Variants in ADAMTSL1 observed in about 807,000 individuals in gnomAD.
The protein encoded by ADAMTSL1 is ADAMTS like 1.
In ADAMTSL1, 126 loss-of-function variants were observed where a neutral mutation model predicts 201.8. That is an observed-to-expected ratio of 0.62 (90% CI 0.54 to 0.72). ADAMTSL1 has a LOEUF of 0.72. Ranked by LOEUF, ADAMTSL1 falls within the 30% of genes least tolerant of loss-of-function variation. ADAMTSL1 has a pLI of 0.00. For synonymous variants in ADAMTSL1, 1,121 were observed against 903.4 expected, an observed-to-expected ratio of 1.24 and a Z score of -4.32; for missense variants, 2,679 against 2,277.8, an observed-to-expected ratio of 1.18 and a Z score of -3.59.
chr9:18,681,977 C>T lies in ADAMTSL1; in HGVS notation c.1489+18C>T, dbSNP rs760952451. On this transcript the variant is annotated intron_variant, in intron 12 of 28. Transcript: ENST00000380548. ...ACCCAAAGGTAACTTGACAGGTGCT[C>T]TATTACCAGCCTGTTAATTGTTGTG... The T allele has an allele frequency of 2.5e-5, 40 of 1,613,148 alleles. No homozygotes were observed. In the East Asian group the frequency reaches 7.8e-4, roughly 31 times the overall value.
chr9:18,664,615 T>C (rs1385231562), intron 9 of ADAMTSL1, among the ~76,000 whole-genome samples: 2 of 152,028 alleles, frequency 1.3e-5, no homozygotes, highest in East Asian at 3.8e-4. Flanking sequence ...TATTTAAAAG[T>C]AGAGTCCCTT....
intron 2 of ADAMTSL1, among the ~76,000 whole-genome samples, chr9:18,198,893 A>G (rs994352581): frequency 7.0e-6 from 1 of 142,328 alleles, no homozygotes; most frequent in African/African-American, 2.6e-5. Flanking sequence ...GATTAAGAAA[A>G]TGTGGCACAT....
At position 18,681,833 on chromosome 9, in the gene ADAMTSL1, G is replaced by A; in HGVS notation, c.1363G>A (p.Gly455Ser). 6.2e-7 allele frequency: 1 copy of A among 1,613,088 alleles called. No homozygotes were observed. Among genetic ancestry groups the A allele is most frequent in the Admixed American group, 1.7e-5 (1 of 59,970 alleles). The change falls in exon 12 of 29, where the codon GGC becomes AGC. Residue 455 changes from glycine (G) to serine (S), a missense_variant. Coordinates refer to ENST00000380548, the MANE Select transcript of ADAMTSL1 (RefSeq NM_001040272.6). ...WSPCTVTCGQ[G>S]LRYRVVLCID... The stretch of plus-strand genomic sequence containing the variant: ...CCAGTGCACAGTGACATGTGGCCAG[G>A]GCCTCAGATACCGTGTGGTCCTCTG...
chr9:18,751,529 G>A (rs752214336), intron 15 of ADAMTSL1, among the ~76,000 whole-genome samples: 16 of 152,152 alleles, frequency 1.1e-4, no homozygotes, highest in Non-Finnish European at 2.4e-4. Flanking sequence ...ATGTGTTAAG[G>A]TGCCCTCTAT....
chr9:18,330,330 C>G lies in ADAMTSL1; in HGVS notation c.207+166349C>G, dbSNP rs544498794. 3.3e-5 allele frequency among the ~76,000 whole-genome samples: 5 copies of G among 151,444 alleles called. No individual in the cohort carries two copies. The South Asian group carries it at 1.0e-3, about 31-fold the overall frequency. ...GATTATCTTCCTTCTACCCTTTTTC[C>G]TTCTCCCTGATCCTGCCACTCTTGC... On this transcript the variant is annotated intron_variant, in intron 2 of 29. Coordinates refer to the ADAMTSL1 transcript ENST00000680146.
chr9:18,642,192 C>T (rs1030348180), intron 7 of ADAMTSL1, among the ~76,000 whole-genome samples: 1 of 151,858 alleles, frequency 6.6e-6, no homozygotes, highest in Non-Finnish European at 1.5e-5. Flanking sequence ...TATCCAACAG[C>T]TATCTGAAGA....
chr9:18,456,069 C>G (rs985750771), intron 2 of ADAMTSL1, among the ~76,000 whole-genome samples: 2 of 152,140 alleles, frequency 1.3e-5, no homozygotes, highest in African/African-American at 4.8e-5. Context: ...TAAGCCATAC[C>G]TTGGCTATGT....
At chr9:18,739,843 C>T (rs957223395) in intron 15 of ADAMTSL1, among the ~76,000 whole-genome samples, 2 of 152,046 alleles carry the variant, frequency 1.3e-5, no homozygotes, top group Non-Finnish European at 2.9e-5. Context: ...GTGTATGTAT[C>T]ACGCATATGC....
intron 22 of ADAMTSL1, among the ~76,000 whole-genome samples, chr9:18,828,374 A>G (rs1824730889): frequency 6.6e-6 from 1 of 151,962 alleles, no homozygotes; most frequent in African/African-American, 2.4e-5. Flanking sequence ...TTTTGCTCTT[A>G]GTAAATAAGC....
At position 18,504,944 on chromosome 9, in the gene ADAMTSL1, G is replaced by A; in HGVS notation, c.179G>A (p.Cys60Tyr). 2 of 1,608,706 alleles carry A rather than the reference G, an allele frequency of 1.2e-6. No homozygotes were observed. Among genetic ancestry groups the A allele is most frequent in the Non-Finnish European group, 1.7e-6 (2 of 1,179,040 alleles). The change falls in exon 2 of 29, where the codon TGC (cysteine) becomes TAC (tyrosine). Residue 60 changes from cysteine (C) to tyrosine (Y), a missense_variant. Coordinates refer to ENST00000380548, the MANE Select transcript of ADAMTSL1 (RefSeq NM_001040272.6). ...GGGASYSLRR[C>Y]LSSKSCEGRN... ...GGGGCCTCCTACTCTCTGAGGCGCT[G>A]CCTGAGCAGCAAGTAAGTCCTGCAC...
At chr9:18,755,245 A>G (rs1819686553) in intron 16 of ADAMTSL1, among the ~76,000 whole-genome samples, 1 of 152,218 alleles carries the variant, frequency 6.6e-6, no homozygotes, top group African/African-American at 2.4e-5. Flanking sequence ...ATTGGAGTGA[A>G]TCTATGACCT....
intron 2 of ADAMTSL1, among the ~76,000 whole-genome samples, chr9:18,323,088 A>G (rs911184306): frequency 6.6e-6 from 1 of 152,222 alleles, no homozygotes; most frequent in African/African-American, 2.4e-5. Context: ...TGCTGCAAGA[A>G]AGGGATATTA....
intron 2 of ADAMTSL1, among the ~76,000 whole-genome samples, chr9:18,218,409 TG>T (rs1490652044): frequency 1.3e-5 from 2 of 152,182 alleles, no homozygotes; most frequent in African/African-American, 4.8e-5. Flanking sequence ...ACAAATATAT[TG>T]ACTGCTTGCT....
intron 2 of ADAMTSL1, among the ~76,000 whole-genome samples, chr9:18,197,782 A>C (rs533714851): frequency 6.6e-6 from 1 of 152,194 alleles, no homozygotes; most frequent in Admixed American, 6.5e-5. Flanking sequence ...AATACCAAAA[A>C]AGAGCCCGCA....
At chr9:18,807,461 G>A (rs1823214932) in intron 20 of ADAMTSL1, among the ~76,000 whole-genome samples, 3 of 151,954 alleles carry the variant, frequency 2.0e-5, no homozygotes, top group Middle Eastern at 3.4e-3. Context: ...TGGCTAACAC[G>A]GTGAAACCCC....
At chr9:18,494,435 A>T (rs906579458) in intron 1 of ADAMTSL1, among the ~76,000 whole-genome samples, 1 of 152,092 alleles carries the variant, frequency 6.6e-6, no homozygotes, top group African/African-American at 2.4e-5. Context: ...GTGGCATTGC[A>T]TCTTAGAGCA....
At chr9:18,783,546 T>G (rs1821526525) in intron 19 of ADAMTSL1, among the ~76,000 whole-genome samples, 1 of 152,216 alleles carries the variant, frequency 6.6e-6, no homozygotes, top group Non-Finnish European at 1.5e-5. Flanking sequence ...CATATTTGTA[T>G]TCTTTAGACC....
At chr9:18,844,939 G>A (rs190604884) in intron 23 of ADAMTSL1, among the ~76,000 whole-genome samples, 1 of 152,092 alleles carries the variant, frequency 6.6e-6, no homozygotes, top group East Asian at 1.9e-4. Flanking sequence ...GGTGCCGTCT[G>A]TCACCCCTTT....
At chr9:18,065,861 A>C (rs1822669785) in intron 1 of ADAMTSL1, among the ~76,000 whole-genome samples, 1 of 151,858 alleles carries the variant, frequency 6.6e-6, no homozygotes, top group South Asian at 2.1e-4. Context: ...AGTGCCTGTA[A>C]TCCCAGCTAT....
Sources: allele counts gnomAD v4.1 joint callset (sites outside exome capture counted in the v4.1 genomes callset), GRCh38; gene constraint gnomAD v4.1.1; transcripts MANE v1.5; gene names NCBI Gene and HGNC (gene_info 2026-07-23, HGNC 2026-07-21).